DYNC2I1: variants seen among roughly 807,000 people sequenced by gnomAD.
The protein encoded by DYNC2I1 is cytoplasmic dynein 2 intermediate chain 1.
In DYNC2I1, 89 loss-of-function variants were observed where a neutral mutation model predicts 133.4. The observed-to-expected ratio is 0.67, with a 90% CI of 0.56 to 0.80. The LOEUF (loss-of-function observed/expected upper bound fraction) is 0.80, where lower values mean the gene tolerates loss of function less well. DYNC2I1 is among the 30% of genes least tolerant of loss of function. The pLI is 0.00. For missense variants in DYNC2I1, 1,291 were observed against 1,314.5 expected (o/e 0.98, Z 0.28); for synonymous variants, 504 against 484.3 (o/e 1.04, Z -0.54).
chr7:158,875,267 G>A (rs144111093), intron 3 of DYNC2I1, among the ~76,000 whole-genome samples: 59 of 151,934 alleles, frequency 3.9e-4, no homozygotes, highest in Middle Eastern at 6.8e-3. Context: ...GCTAATTTTT[G>A]TATTTTTAGT....
intron 24 of DYNC2I1, among the ~76,000 whole-genome samples, chr7:158,943,460 A>G (rs1851572502): frequency 6.6e-6 from 1 of 152,276 alleles, no homozygotes; most frequent in East Asian, 1.9e-4. Flanking sequence ...GCAGATGATG[A>G]GGAAGAGGTC....
downstream of DYNC2I1, among the ~76,000 whole-genome samples, chr7:158,946,412 A>G (rs1276378631): frequency 2.6e-5 from 4 of 152,238 alleles, no homozygotes; most frequent in Non-Finnish European, 5.9e-5. Context: ...GTAGTTTATC[A>G]GCAACAGAAA....
Position 158,856,708 on chromosome 7 carries a change from C to T in DYNC2I1, c.-28C>T, listed in dbSNP as rs1289967431. On this transcript the variant is annotated 5_prime_UTR_variant, in exon 1 of 25. Coordinates refer to ENST00000407559, the MANE Select transcript of DYNC2I1 (RefSeq NM_018051.5). ...CCGCGCCTGGCCGGGGCCGAGGACA[C>T]CGCGGCCGCCCGGGCCTGCGGGAAG... The T allele has an allele frequency of 3.2e-6, 4 of 1,233,194 alleles. No individual in the cohort carries two copies. Among genetic ancestry groups the T allele is most frequent in the East Asian group, 6.3e-5 (2 of 31,620 alleles). The allele number at this position is 1,233,194 out of a possible 1,614,324, so 76.4% of individuals were successfully genotyped here.
intron 8 of DYNC2I1, among the ~76,000 whole-genome samples, chr7:158,901,057 GC>G (rs888005349): frequency 2.0e-5 from 3 of 152,026 alleles, no homozygotes; most frequent in African/African-American, 7.2e-5. Flanking sequence ...TGGAACTGGT[GC>G]TTGCTCTGTC....
chr7:158,917,287 G>C (rs911631228), intron 14 of DYNC2I1, among the ~76,000 whole-genome samples: 1 of 120,698 alleles, frequency 8.3e-6, no homozygotes, highest in Admixed American at 7.5e-5. Flanking sequence ...CGACATGCTG[G>C]TTGAAATTAA....
intron 13 of DYNC2I1, among the ~76,000 whole-genome samples, chr7:158,913,376 C>G (rs1467928523): frequency 6.6e-6 from 1 of 152,196 alleles, no homozygotes; most frequent in Non-Finnish European, 1.5e-5. Flanking sequence ...GGGAGAGATT[C>G]CACATTCCAA....
intron 15 of DYNC2I1, among the ~76,000 whole-genome samples, chr7:158,919,123 TTGAA>T (rs1205250212): frequency 1.1e-4 from 17 of 152,340 alleles, no homozygotes; most frequent in African/African-American, 3.6e-4. Context: ...GTGAGATTGT[TTGAA>T]TGAATGGGAA....
chr7:158,928,673 A>G (rs1849872711), intron 20 of DYNC2I1, among the ~76,000 whole-genome samples: 1 of 152,022 alleles, frequency 6.6e-6, no homozygotes, highest in African/African-American at 2.4e-5. Context: ...CTGCCCCTAG[A>G]ATCCTGGAGT....
rs201245664 is a variant in DYNC2I1, at chr7:158,923,681, T to C, written c.2205T>C (p.Ser735=). ...DLREDSRLHY[S]VTLSDGFWTF... ...GAGAAGACTCAAGGCTGCATTACTC[T>C]GTGACGCTGAGCGATGGCTTCTGGA... is the stretch of plus-strand genomic sequence containing the variant. The change falls in exon 17 of 25, where the codon TCT becomes TCC. Residue 735 remains serine, a synonymous_variant. Transcript: ENST00000407559. 4.5e-5 allele frequency: 73 copies of C among 1,614,020 alleles called. No individual in the cohort carries two copies. The East Asian group carries it at 9.6e-4, about 21-fold the overall frequency.
chr7:158,938,286 A>G (rs993873925), intron 23 of DYNC2I1, among the ~76,000 whole-genome samples: 2 of 152,274 alleles, frequency 1.3e-5, no homozygotes, highest in African/African-American at 2.4e-5. Flanking sequence ...TCTCAGTGGA[A>G]ACCATACAGG....
chr7:158,877,537 C>T (rs1201080706), intron 4 of DYNC2I1, among the ~76,000 whole-genome samples: 1 of 152,180 alleles, frequency 6.6e-6, no homozygotes, highest in Non-Finnish European at 1.5e-5. Context: ...TTTATATCAT[C>T]AGAGCATAAT....
chr7:158,883,025 A>G (rs567204582), intron 5 of DYNC2I1, among the ~76,000 whole-genome samples: 1 of 152,208 alleles, frequency 6.6e-6, no homozygotes, highest in Non-Finnish European at 1.5e-5. Flanking sequence ...CAAAATTAGT[A>G]TCAATTTTAG....
chr7:158,856,911 A>G (rs62475640), intron 1 of DYNC2I1, among the ~76,000 whole-genome samples, 161 bp downstream of exon 1: 3,298 of 152,006 alleles, frequency 0.022, 56 homozygotes, highest in Admixed American at 0.052. Flanking sequence ...AGGAAGGGAA[A>G]CGGAGGCGCG....
At chr7:158,849,731 T>G in the DYNC2I1 span, among the ~76,000 whole-genome samples, 6 of 152,188 alleles carry the variant, frequency 3.9e-5, no homozygotes. Context: ...GCTGTCAGGT[T>G]GTCTCTCTGC....
At chr7:158,865,652 C>T (rs976178489) in intron 1 of DYNC2I1, among the ~76,000 whole-genome samples, 1 of 152,122 alleles carries the variant, frequency 6.6e-6, no homozygotes, top group Non-Finnish European at 1.5e-5. Context: ...CACCCCAGTC[C>T]CCAGGCTGGG....
At chr7:158,944,996 G>A (rs1321996063) in intron 24 of DYNC2I1, among the ~76,000 whole-genome samples, 1 of 152,196 alleles carries the variant, frequency 6.6e-6, no homozygotes, top group African/African-American at 2.4e-5. Flanking sequence ...AGCCTCAGGA[G>A]AGGATTAGAG....
intron 10 of DYNC2I1, chr7:158,903,613 T>A (rs1385398169): frequency 6.6e-6 from 1 of 152,224 alleles, no homozygotes; most frequent in East Asian, 1.9e-4. Flanking sequence ...GCACCTGTCC[T>A]GGTAGAGGTA....
At position 158,891,317 on chromosome 7, in the gene DYNC2I1, G is replaced by A. The variant is rs183547176; in HGVS notation, c.1043G>A (p.Gly348Glu). The A allele has an allele frequency of 1.9e-5, 30 of 1,614,060 alleles. 1 individual carries two copies. In the Middle Eastern group the frequency reaches 6.6e-4, roughly 36 times the overall value. Reference protein sequence around the residue: ...SVWWKLDQRPGGEETVEIEKE... With the variant: ...SVWWKLDQRPEGEETVEIEKE... ...TGGTGGAAGCTGGACCAGAGGCCGG[G>A]AGGCGAGGAAACCGTGGTAAGGAGA... Residue 348 changes from glycine to glutamate, a missense_variant, in exon 8 of 25, where the codon GGA (glycine) becomes GAA (glutamate). Transcript: ENST00000407559.
chr7:158,857,011 C>T (rs930172701), intron 1 of DYNC2I1, among the ~76,000 whole-genome samples: 2 of 152,068 alleles, frequency 1.3e-5, no homozygotes, highest in Non-Finnish European at 2.9e-5. Flanking sequence ...GGGTCGCCGC[C>T]GCGGCCCGTC....
Sources: gnomAD v4.1 joint callset for allele counts (sites outside exome capture counted in the v4.1 genomes callset) on GRCh38, gnomAD v4.1.1 for gene constraint, MANE v1.5 for transcripts, NCBI Gene and HGNC (gene_info 2026-07-23, HGNC 2026-07-21) for gene names.